MAP3K2: variants seen among roughly 807,000 people sequenced by gnomAD.
MAP3K2 encodes MAP/ERK kinase kinase 2.
In MAP3K2, 24 loss-of-function variants were observed where a neutral mutation model predicts 80.3. That is an observed-to-expected ratio of 0.30 (90% CI 0.22 to 0.42). The LOEUF (loss-of-function observed/expected upper bound fraction) is 0.42, where lower values mean the gene tolerates loss of function less well. MAP3K2 is among the 10% of genes least tolerant of loss of function. The pLI, the probability that MAP3K2 is intolerant of heterozygous loss-of-function variation, is 1.00. For synonymous variants in MAP3K2, 244 were observed against 253.7 expected (o/e 0.96, Z 0.36); for missense variants, 608 against 750.1 (o/e 0.81, Z 2.21).
chr2:127,370,810 G>C (rs1363142327), intron 1 of MAP3K2, among the ~76,000 whole-genome samples: 1 of 152,190 alleles, frequency 6.6e-6, no homozygotes. Flanking sequence ...CCTAAAAAGG[G>C]GAGGGAGGAG....
chr2:127,367,092 A>T (rs148518157), intron 1 of MAP3K2, among the ~76,000 whole-genome samples: 71 of 151,942 alleles, frequency 4.7e-4, no homozygotes, highest in African/African-American at 1.6e-3. Flanking sequence ...TAACTAACCT[A>T]CCCTTTCTCA....
intron 1 of MAP3K2, among the ~76,000 whole-genome samples, chr2:127,371,459 A>G (rs537697441): frequency 6.6e-6 from 1 of 152,366 alleles, no homozygotes; most frequent in East Asian, 1.9e-4. Flanking sequence ...CAAGGGCCTC[A>G]GGAGCCATTT....
chr2:127,387,682 T>G lies in MAP3K2; in HGVS notation c.-296A>C, dbSNP rs1687395695. 11 of 984,972 alleles carry G rather than the reference T, an allele frequency of 1.1e-5. No homozygotes were observed. The highest frequency in any genetic ancestry group is 1.3e-5 in the Non-Finnish European group (11 of 829,848). 61.0% of individuals were successfully genotyped at this position (984,972 alleles called of 1,614,324 possible). On this transcript the variant is annotated 5_prime_UTR_variant, in exon 1 of 17. Transcript: ENST00000682094. ...GGCGGGGTGGCGGGCGCGTGAATCC[T>G]CGCAGCCGGCCGGGTCCTCCTGGCG...
At chr2:127,387,398 GCA>G (rs367967800) in intron 1 of MAP3K2, 52 bp downstream of exon 1, 115 of 198,204 alleles carry the variant, frequency 5.8e-4, no homozygotes, top group African/African-American at 1.9e-3. Context: ...ACACACGCGC[GCA>G]CACACACACA....
intron 1 of MAP3K2, among the ~76,000 whole-genome samples, chr2:127,366,866 G>GTTTTTTTTTTT (rs367670762): frequency 2.4e-5 from 2 of 85,088 alleles, no homozygotes; most frequent in African/African-American, 4.3e-5. Context: ...ACAGTCAAGG[G>GTTTTTTTTTTT]TTTTTTTTTT....
At chr2:127,368,393 C>T (rs1200172997) in intron 1 of MAP3K2, among the ~76,000 whole-genome samples, 2 of 151,978 alleles carry the variant, frequency 1.3e-5, no homozygotes, top group South Asian at 2.1e-4. Flanking sequence ...GAGGCTGAGG[C>T]GGGCAGATCA....
At chr2:127,375,885 C>T (rs1687143227) in intron 1 of MAP3K2, among the ~76,000 whole-genome samples, 1 of 151,686 alleles carries the variant, frequency 6.6e-6, no homozygotes, top group Non-Finnish European at 1.5e-5. Context: ...TGCTGAGTAA[C>T]AATATAGGTC....
chr2:127,334,774 ATT>A (rs11378420), intron 5 of MAP3K2, among the ~76,000 whole-genome samples: 1 of 141,342 alleles, frequency 7.1e-6, no homozygotes. Context: ...TACTTTATGC[ATT>A]TTTTTTTTTT....
intron 4 of MAP3K2, among the ~76,000 whole-genome samples, chr2:127,336,249 T>C (rs1422365505): frequency 6.6e-6 from 1 of 152,202 alleles, no homozygotes. Context: ...ATATGAATGT[T>C]AAAGAGCAAT....
chr2:127,310,236 T>C lies in MAP3K2; in HGVS notation c.1457-1474A>G, dbSNP rs1685784528. On this transcript the variant is annotated intron_variant, in intron 15 of 16. Coordinates refer to ENST00000682094, the MANE Select transcript of MAP3K2 (RefSeq NM_001371910.2). The surrounding 1 kb of genome is among the most constrained non-coding windows in gnomAD (Gnocchi z 4.8). ...CCTTGGCTTTTGTTTTGGAGCACTT[T>C]CTTGCTTTCTGGCATTTGAAGATGC... is the stretch of plus-strand genomic sequence containing the variant. Among the ~76,000 whole-genome samples the C allele has an allele frequency of 6.6e-6, 1 of 152,190 alleles. No individual in the cohort carries two copies. Among genetic ancestry groups the C allele is most frequent in the African/African-American group, 2.4e-5 (1 of 41,448 alleles).
Position 127,301,625 on chromosome 2 carries a change from G to A in MAP3K2, c.*5954C>T, listed in dbSNP as rs927798103. On this transcript the variant is annotated 3_prime_UTR_variant, in exon 17 of 17. Coordinates refer to ENST00000682094, the MANE Select transcript of MAP3K2 (RefSeq NM_001371910.2). ...TTGTGTTACAAACAAGAAGTCATCA[G>A]GCAGAAGGAACAATGGTACTGATTT... 1.3e-5 allele frequency: 2 copies of A among 152,186 alleles called. No individual in the cohort carries two copies. 9.4% of individuals were successfully genotyped at this position (152,186 alleles called of 1,614,324 possible).
At chr2:127,324,130 C>T in intron 10 of MAP3K2, 44 bp downstream of exon 10, 1 of 1,326,386 alleles carries the variant, frequency 7.5e-7, no homozygotes, top group South Asian at 1.4e-5. Context: ...AAACATTATC[C>T]AATGACATAA....
At chr2:127,314,945 TAAATC>T in intron 14 of MAP3K2, 62 bp from the exon 15 acceptor site, 1 of 1,216,394 alleles carries the variant, frequency 8.2e-7, no homozygotes, top group Admixed American at 2.4e-5. Context: ...AAACTGCTAT[TAAATC>T]TTTATCAGTA....
chr2:127,335,834 G>A (rs1481019073), intron 5 of MAP3K2, 36 bp downstream of exon 5: 1 of 1,162,882 alleles, frequency 8.6e-7, no homozygotes, highest in Non-Finnish European at 1.2e-6. Flanking sequence ...TACTTTTGAA[G>A]GTAAGATCTA....
At chr2:127,362,380 A>C (rs1686906983) in intron 1 of MAP3K2, among the ~76,000 whole-genome samples, 1 of 152,256 alleles carries the variant, frequency 6.6e-6, no homozygotes, top group African/African-American at 2.4e-5. Flanking sequence ...TATAGTAGTA[A>C]TTATGCAAAT....
At chr2:127,354,270 A>G (rs920496574) in intron 1 of MAP3K2, among the ~76,000 whole-genome samples, 217 of 121,396 alleles carry the variant, frequency 1.8e-3, no homozygotes, top group Non-Finnish European at 3.2e-3. Context: ...ATATCATTTG[A>G]AAAAAAAAAA....
rs1316344098 is a variant in MAP3K2, at chr2:127,304,539, A to G, written c.*3040T>C. The G allele has an allele frequency of 3.9e-5, 6 of 152,504 alleles. No individual in the cohort carries two copies. The highest frequency in any genetic ancestry group is 8.8e-5 in the Non-Finnish European group (6 of 68,024). The allele number at this position is 152,504 out of a possible 1,614,324, so 9.4% of individuals were successfully genotyped here. ...CCACTGTCAAAGCAGAATGCATTTT[A>G]AAGGCACAAAGTCAGCAGTCTGACC... On this transcript the variant is annotated 3_prime_UTR_variant, in exon 17 of 17. Coordinates refer to ENST00000682094, the MANE Select transcript of MAP3K2 (RefSeq NM_001371910.2).
chr2:127,347,726 C>T (rs1376283917), intron 1 of MAP3K2, among the ~76,000 whole-genome samples: 2 of 152,046 alleles, frequency 1.3e-5, no homozygotes, highest in Admixed American at 1.3e-4. Context: ...TTAGCAGAAA[C>T]GGAAAACTGA....
rs565850462 is a variant in MAP3K2 at position 127,387,887 on chromosome 2, G to C, written c.-501C>G. On this transcript the variant is annotated 5_prime_UTR_variant, in exon 1 of 17. Coordinates refer to ENST00000682094, the MANE Select transcript of MAP3K2 (RefSeq NM_001371910.2). ...CGCCGCCGCGGGCCGTGCAACCCCC[G>C]AACGCTGCGCCCAGCGGCCGCGGCA... 10 of 981,878 alleles carry C rather than the reference G, an allele frequency of 1.0e-5. No homozygotes were observed. The South Asian group carries it at 4.2e-4, about 42-fold the overall frequency. 60.8% of individuals were successfully genotyped at this position (981,878 alleles called of 1,614,324 possible). A position where few individuals can be genotyped will look rare whatever the true frequency, so the allele number is the denominator to read the frequency against.
Sources: allele counts gnomAD v4.1 joint callset (sites outside exome capture counted in the v4.1 genomes callset), GRCh38; gene constraint gnomAD v4.1.1; non-coding constraint Gnocchi (gnomAD v3.1); transcripts MANE v1.5; gene names NCBI Gene and HGNC (gene_info 2026-07-23, HGNC 2026-07-21).